The following TNIK variants were observed in gnomAD, a reference collection of about 807,000 sequenced individuals.
TNIK encodes the protein TRAF2 and NCK interacting kinase, also known as TRAF2 and NCK-interacting protein kinase.
Under a neutral mutation model 191.3 loss-of-function variants are expected in TNIK, and 49 were observed. The ratio of observed to expected loss-of-function variants is 0.26; its 90% confidence interval spans 0.20 to 0.32. The LOEUF (loss-of-function observed/expected upper bound fraction) is 0.32, where lower values mean the gene tolerates loss of function less well. Among genes scored for constraint, TNIK ranks in the 10% least tolerant of loss-of-function variants. The pLI, the probability that TNIK is intolerant of heterozygous loss-of-function variation, is 1.00. For synonymous variants in TNIK, 594 were observed against 600.9 expected (o/e 0.99, Z 0.17); for missense variants, 1,155 against 1,702.3 (o/e 0.68, Z 5.66).
At chr3:171,214,334 G>A (rs917232021) in intron 3 of TNIK, among the ~76,000 whole-genome samples, 1 of 151,972 alleles carries the variant, frequency 6.6e-6, no homozygotes, top group Non-Finnish European at 1.5e-5. Context: ...AGAGAGCAAG[G>A]GAGGCTAGAA....
chr3:171,199,525 TA>T (rs1739153973), intron 4 of TNIK, among the ~76,000 whole-genome samples: 1 of 152,254 alleles, frequency 6.6e-6, no homozygotes, highest in African/African-American at 2.4e-5. Context: ...TGAAGCGATT[TA>T]CAAATGCTTC....
At chr3:171,364,837 G>C (rs948953609) in intron 2 of TNIK, among the ~76,000 whole-genome samples, 1 of 149,696 alleles carries the variant, frequency 6.7e-6, no homozygotes, top group African/African-American at 2.4e-5. Context: ...AGCCATGAGA[G>C]GGCTGGGGGA....
intron 2 of TNIK, among the ~76,000 whole-genome samples, chr3:171,245,085 A>T (rs958651185): frequency 6.6e-6 from 1 of 152,202 alleles, no homozygotes; most frequent in Non-Finnish European, 1.5e-5. Context: ...AATGATTGGA[A>T]AAAAGAAGAC....
At chr3:171,132,421 A>G (rs1038316364) in intron 15 of TNIK, among the ~76,000 whole-genome samples, 3 of 152,238 alleles carry the variant, frequency 2.0e-5, no homozygotes, top group African/African-American at 7.2e-5. Context: ...CTGTGGTCTC[A>G]GAAATAAAAT....
chr3:171,176,657 G>A (rs550483402), intron 8 of TNIK, among the ~76,000 whole-genome samples: 1 of 152,364 alleles, frequency 6.6e-6, no homozygotes, highest in South Asian at 2.1e-4. Context: ...GCCTGCCTTA[G>A]TATCCCCACT....
intron 1 of TNIK, among the ~76,000 whole-genome samples, chr3:171,399,538 T>G (rs1379794626): frequency 6.6e-6 from 1 of 152,198 alleles, no homozygotes. Context: ...ACAGCCTAAA[T>G]GTTAAACAAC....
At chr3:171,415,131 G>A (rs1399827944) in intron 1 of TNIK, among the ~76,000 whole-genome samples, 1 of 152,064 alleles carries the variant, frequency 6.6e-6, no homozygotes. Flanking sequence ...CCTATTCATG[G>A]GTGGTTCTCA....
intron 2 of TNIK, among the ~76,000 whole-genome samples, chr3:171,338,756 G>T (rs561974506): frequency 6.6e-6 from 1 of 151,696 alleles, no homozygotes; most frequent in East Asian, 1.9e-4. Flanking sequence ...ACTTGCCTTG[G>T]CCTCCCAAAG....
chr3:171,380,033 A>G lies in TNIK; in HGVS notation c.58-10348T>C, dbSNP rs573967573. Among the ~76,000 whole-genome samples, 1,074 of 142,554 alleles carry G rather than the reference A, an allele frequency of 7.5e-3. 11 individuals carry two copies. Among genetic ancestry groups the G allele is most frequent in the African/African-American group, 0.025 (899 of 35,622 alleles). 93.5% of individuals were successfully genotyped at this position (142,554 alleles called of 152,430 possible). Reference sequence around the variant, plus strand: ...AAAACACACACACACACACGCGCACACACACACACACACACACACACACAC... The same window carrying G: ...AAAACACACACACACACACGCGCACGCACACACACACACACACACACACAC... On this transcript the variant is annotated intron_variant, in intron 1 of 32. Coordinates refer to ENST00000436636, the MANE Select transcript of TNIK (RefSeq NM_015028.4).
chr3:171,110,766 T>G lies in TNIK; in HGVS notation c.2232A>C (p.Gly744=). 6.2e-7 allele frequency: 1 copy of G among 1,603,256 alleles called. No homozygotes were observed. The highest frequency in any genetic ancestry group is 2.2e-5 in the East Asian group (1 of 44,584). ...CTGCTTGTGATCCAGGCTGGGAGCC[T>G]CCTTGGGAGCTGGGCTGGGAGCTAG... The part of the protein sequence containing the change: ...STPSSQPSSQ[G]GSQPGSQAGS... Residue 744 remains glycine (G), a synonymous_variant, in exon 19 of 33, where the codon GGA becomes GGC. Transcript: ENST00000436636.
Position 171,123,632 on chromosome 3 carries a change from A to G in TNIK, c.2084T>C (p.Leu695Pro). 1 of 1,574,616 alleles carries G rather than the reference A, an allele frequency of 6.4e-7. No individual in the cohort carries two copies. Reference protein sequence around the residue: ...RKNSPGNGSALGPRLGSQPIR... With the variant: ...RKNSPGNGSAPGPRLGSQPIR... ...GGGTTGAGATCCTAGTCTGGGTCCCAGAGCACTACCATTCCCAGGAGAATT... is the reference window on the plus strand; with the variant it reads ...GGGTTGAGATCCTAGTCTGGGTCCCGGAGCACTACCATTCCCAGGAGAATT... Residue 695 changes from leucine to proline, a missense_variant, in exon 18 of 33, where the codon CTG becomes CCG. Physicochemically the swap from Leu to Pro is moderately conservative, Grantham distance 98 (BLOSUM62 -3). Around this residue, in one of 3 missense-constraint regions of TNIK, gnomAD observed 735 missense variants for 848.0 expected, o/e 0.87. Coordinates refer to ENST00000436636, the MANE Select transcript of TNIK (RefSeq NM_015028.4).
intron 1 of TNIK, among the ~76,000 whole-genome samples, chr3:171,370,484 A>C (rs1331675619): frequency 6.6e-6 from 1 of 152,226 alleles, no homozygotes; most frequent in Non-Finnish European, 1.5e-5. Flanking sequence ...CAAAGCCAAT[A>C]AAATTCTATT....
chr3:171,163,069 C>A (rs1734208562), intron 10 of TNIK, among the ~76,000 whole-genome samples: 1 of 152,174 alleles, frequency 6.6e-6, no homozygotes, highest in Non-Finnish European at 1.5e-5. Flanking sequence ...AGCAACATAT[C>A]CACATGAGTA....
chr3:171,089,660 C>G (rs1430471691), intron 23 of TNIK, among the ~76,000 whole-genome samples: 1 of 152,194 alleles, frequency 6.6e-6, no homozygotes, highest in Admixed American at 6.5e-5. Flanking sequence ...CCAGCACCTT[C>G]TTATTAAACA....
At chr3:171,228,039 T>A (rs1743161380) in intron 3 of TNIK, 126 bp downstream of exon 3, 1 of 1,050,508 alleles carries the variant, frequency 9.5e-7, no homozygotes, top group Non-Finnish European at 1.4e-6. Flanking sequence ...CAACAGGTTA[T>A]GTGTATTAAA....
At chr3:171,131,554 ATAAG>A (rs1220633559) in intron 15 of TNIK, among the ~76,000 whole-genome samples, 1 of 152,176 alleles carries the variant, frequency 6.6e-6, no homozygotes, top group Non-Finnish European at 1.5e-5. Context: ...AATATATGGC[ATAAG>A]TAATTGTTAC....
chr3:171,147,776 C>T (rs1174410662), intron 12 of TNIK, among the ~76,000 whole-genome samples: 1 of 152,146 alleles, frequency 6.6e-6, no homozygotes, highest in Non-Finnish European at 1.5e-5. Context: ...AACTGAGGCA[C>T]ATCCAGGCCA....
chr3:171,206,323 ATATATGTTCGTG>A (rs1041937871), intron 4 of TNIK, among the ~76,000 whole-genome samples: 1 of 142,158 alleles, frequency 7.0e-6, no homozygotes, highest in Non-Finnish European at 1.5e-5. Flanking sequence ...ATATGGAGAT[ATATATGTTCGTG>A]TATATATATA....
intron 7 of TNIK, among the ~76,000 whole-genome samples, chr3:171,179,024 C>G (rs910140470): frequency 1.3e-5 from 2 of 152,128 alleles, no homozygotes; most frequent in African/African-American, 4.8e-5. Context: ...GGGGTCTAGC[C>G]TCTTGCCTAA....
Sources: gnomAD v4.1 joint callset for allele counts (sites outside exome capture counted in the v4.1 genomes callset) on GRCh38, gnomAD v4.1.1 for gene constraint, gnomAD v4.1.1 regional missense constraint, MANE v1.5 for transcripts, NCBI Gene and HGNC (gene_info 2026-07-23, HGNC 2026-07-21) for gene names.